Variants in SHKBP1 observed in about 807,000 individuals in gnomAD.
SHKBP1 encodes the protein SH3KBP1 binding protein 1.
In SHKBP1, 71 loss-of-function variants were observed where a neutral mutation model predicts 83.9. The observed-to-expected ratio is 0.85, with a 90% CI of 0.70 to 1.03. The LOEUF is 1.03. Ranked by LOEUF, SHKBP1 falls within the 50% of genes least tolerant of loss-of-function variation. SHKBP1 has a pLI of 0.00. For synonymous variants in SHKBP1, 371 were observed against 398.0 expected, an observed-to-expected ratio of 0.93 and a Z score of 0.81; for missense variants, 824 against 982.4, an observed-to-expected ratio of 0.84 and a Z score of 2.16.
chr19:40,577,476 G>C (rs1386116015), intron 3 of SHKBP1, 35 bp downstream of exon 3: 1 of 1,608,550 alleles, frequency 6.2e-7, no homozygotes, highest in African/African-American at 1.3e-5. Flanking sequence ...GGATGGGGGG[G>C]AGGGGTTGGT....
chr19:40,583,650 C>T lies in SHKBP1; in HGVS notation c.1098C>T (p.Ser366=), dbSNP rs114170090. Residue 366 remains serine, a synonymous_variant, in exon 12 of 18, where the codon AGC becomes AGT. Transcript: ENST00000291842. Reference sequence around the variant, plus strand: ...TGAAAGACAACGACCTCCTTGTCAGCGAGCTCTATCGGGACCCAGCGGAGG... The same window carrying T: ...TGAAAGACAACGACCTCCTTGTCAGTGAGCTCTATCGGGACCCAGCGGAGG... ...LRMKDNDLLV[S]ELYRDPAEDG... is the part of the protein sequence containing the mutation. 4.8e-4 allele frequency: 776 copies of T among 1,613,918 alleles called. 6 individuals are homozygous for T. In the African/African-American group the frequency reaches 8.7e-3, roughly 18 times the overall value.
rs1017678512 is a variant in SHKBP1 at position 40,578,617 on chromosome 19, G to T, written c.400+75G>T. ...CATTTCCCATAAGGCTGCAGCTCTC[G>T]GGTGCCTGTGCTGTGCGTCCTGAGA... On this transcript the variant is annotated intron_variant, in intron 6 of 17. Transcript: ENST00000291842. The T allele has an allele frequency of 1.4e-5, 19 of 1,365,524 alleles. No homozygotes were observed. The East Asian group carries it at 4.1e-4, about 30-fold the overall frequency. The allele number at this position is 1,365,524 out of a possible 1,614,324, so 84.6% of individuals were successfully genotyped here.
intron 2 of SHKBP1, 34 bp from the exon 3 acceptor site, chr19:40,577,362 C>T: frequency 6.2e-7 from 1 of 1,614,062 alleles, no homozygotes; most frequent in Non-Finnish European, 8.5e-7. Context: ...ACTCCCCCGG[C>T]CCGTGACGCC....
intron 15 of SHKBP1, among the ~76,000 whole-genome samples, 194 bp downstream of exon 15, chr19:40,589,372 G>T (rs1053971146): frequency 6.7e-6 from 1 of 149,540 alleles, no homozygotes; most frequent in African/African-American, 2.5e-5. Context: ...GGTGTGACAG[G>T]TGTTGGTGGG....
chr19:40,578,307 T>G lies in SHKBP1; in HGVS notation c.319+95T>G, dbSNP rs971455351. 30 of 1,489,826 alleles carry G rather than the reference T, an allele frequency of 2.0e-5. No homozygotes were observed. The African/African-American group carries it at 4.1e-4, about 21-fold the overall frequency. The allele number at this position is 1,489,826 out of a possible 1,614,324, so 92.3% of individuals were successfully genotyped here. ...TTCCCCTTCTCTCCTGAAAGAGGGCTGGGGTAGAGGTGGGAGGACTGGTTA... is the reference window on the plus strand; with the variant it reads ...TTCCCCTTCTCTCCTGAAAGAGGGCGGGGGTAGAGGTGGGAGGACTGGTTA... On this transcript the variant is annotated intron_variant, in intron 5 of 17. Transcript: ENST00000291842.
Position 40,578,679 on chromosome 19 carries a change from G to T in SHKBP1, c.400+137G>T, listed in dbSNP as rs1599837381. Reference sequence around the variant, plus strand: ...GTGTAGTTCCCTATCAGATGCTTGGGCTGATGCTTGGAAAGGAAGTTGGAC... The same window carrying T: ...GTGTAGTTCCCTATCAGATGCTTGGTCTGATGCTTGGAAAGGAAGTTGGAC... On this transcript the variant is annotated intron_variant, in intron 6 of 17. Transcript: ENST00000291842. The T allele has an allele frequency of 4.0e-6, 3 of 751,588 alleles. No individual in the cohort carries two copies. In the South Asian group the frequency reaches 4.8e-5, roughly 12 times the overall value. The allele number at this position is 751,588 out of a possible 1,614,324, so 46.6% of individuals were successfully genotyped here. A position where few individuals can be genotyped will look rare whatever the true frequency, so the allele number is the denominator to read the frequency against.
At chr19:40,586,574 C>T in intron 12 of SHKBP1, 200 bp from the exon 13 acceptor site, 1 of 417,160 alleles carries the variant, frequency 2.4e-6, no homozygotes, top group East Asian at 3.6e-5. Context: ...AGCACGTTGG[C>T]CAGGCTGGTC....
At chr19:40,582,638 G>C in intron 10 of SHKBP1, 172 bp downstream of exon 10, 1 of 593,752 alleles carries the variant, frequency 1.7e-6, no homozygotes, top group South Asian at 2.1e-5. Context: ...AGGAGCACCA[G>C]GGAAGCCTTC....
In SHKBP1 at chr19:40,582,501, C is replaced by T. The variant is rs774393929; in HGVS notation, c.960+35C>T. On this transcript the variant is annotated intron_variant, in intron 10 of 17. Coordinates refer to ENST00000291842, the MANE Select transcript of SHKBP1 (RefSeq NM_138392.4). ...CTGGCCAGCCTGGCTGCCCCCTTCC[C>T]AGTTTTCCAGACTGTACAGACCCAG... 3 of 1,582,268 alleles carry T rather than the reference C, an allele frequency of 1.9e-6. No homozygotes were observed. The Admixed American group carries it at 5.0e-5, about 26-fold the overall frequency.
At chr19:40,587,695 G>A (rs941554304) in intron 13 of SHKBP1, among the ~76,000 whole-genome samples, 2 of 152,220 alleles carry the variant, frequency 1.3e-5, no homozygotes, top group South Asian at 2.1e-4. Context: ...GAGGCTAGGA[G>A]TGTGAGACCA....
chr19:40,586,613 C>A (rs894445764), intron 12 of SHKBP1, 161 bp from the exon 13 acceptor site: 6 of 617,268 alleles, frequency 9.7e-6, no homozygotes, highest in African/African-American at 1.9e-5. Flanking sequence ...GCGATCCACC[C>A]GCCTCAGCTT....
At chr19:40,588,970 C>G (rs931182260) in intron 14 of SHKBP1, 112 bp from the exon 15 acceptor site, 60 of 1,321,606 alleles carry the variant, frequency 4.5e-5, no homozygotes, top group Non-Finnish European at 6.0e-5. Context: ...CCAACTCTAA[C>G]AACCTGGGGA....
chr19:40,590,527 A>G lies in SHKBP1; in HGVS notation c.1768+105A>G. On this transcript the variant is annotated intron_variant, in intron 16 of 17. Transcript: ENST00000291842. This position sits in a 1 kb window ranked among gnomAD's most constrained non-coding sequence, Gnocchi z 4.6. The stretch of plus-strand genomic sequence containing the variant: ...CTCTCTCCCAGGCCCTTGCCCTCTG[A>G]CCCCTTTTCCTTTGACCCCCTCTCT... The G allele has an allele frequency of 7.2e-7, 1 of 1,387,188 alleles. No individual in the cohort carries two copies. The highest frequency in any genetic ancestry group is 2.2e-5 in the Admixed American group (1 of 44,690). The allele number at this position is 1,387,188 out of a possible 1,614,324, so 85.9% of individuals were successfully genotyped here.
At chr19:40,582,508 C>A in intron 10 of SHKBP1, 42 bp downstream of exon 10, 1 of 1,560,040 alleles carries the variant, frequency 6.4e-7, no homozygotes, top group South Asian at 1.1e-5. Flanking sequence ...TCCCAGTTTT[C>A]CAGACTGTAC....
At chr19:40,581,055 G>A (rs2081266101) in intron 9 of SHKBP1, 119 bp downstream of exon 9, 3 of 1,012,420 alleles carry the variant, frequency 3.0e-6, no homozygotes, top group Non-Finnish European at 2.8e-6. Context: ...AGATCTGTTT[G>A]TGTCATTAGA....
chr19:40,583,418 C>T lies in SHKBP1; in HGVS notation c.981C>T (p.Ile327=). The T allele has an allele frequency of 1.3e-6, 2 of 1,594,180 alleles. No homozygotes were observed. The highest frequency in any genetic ancestry group is 1.7e-6 in the Non-Finnish European group (2 of 1,170,306). ...KHWQVQEVQP[I]TSYDAAGSFL... The stretch of plus-strand genomic sequence containing the variant: ...CCCAGGTCCAGGAGGTGCAGCCCAT[C>T]ACCAGTTATGACGCGGCAGGCTCCT... The change falls in exon 11 of 18, where the codon ATC becomes ATT. Residue 327 remains isoleucine, a synonymous_variant. Coordinates refer to ENST00000291842, the MANE Select transcript of SHKBP1 (RefSeq NM_138392.4).
At chr19:40,588,104 G>A (rs540865254) in intron 13 of SHKBP1, among the ~76,000 whole-genome samples, 3 of 152,318 alleles carry the variant, frequency 2.0e-5, no homozygotes, top group East Asian at 3.9e-4. Context: ...CGAGGGAACA[G>A]GCATTGCAAA....
rs1461451131 is a variant in SHKBP1 at position 40,583,690 on chromosome 19, C to T, written c.1138C>T (p.Leu380Phe). The change falls in exon 12 of 18, where the codon CTC (leucine) becomes TTC (phenylalanine). Residue 380 changes from leucine (L) to phenylalanine (F), a missense_variant. By Grantham distance (22) the Leu-to-Phe change is conservative. Around this residue, in one of 3 missense-constraint regions of SHKBP1, gnomAD observed 182 missense variants for 273.1 expected, o/e 0.67. Transcript: ENST00000291842. ...CCCAGCGGAGGATGGGGTCACCGCC[C>T]TCAGTGTCTACCTCACCCCCAAGAC... ...RDPAEDGVTA[L>F]SVYLTPKTSD... The T allele has an allele frequency of 6.2e-7, 1 of 1,614,020 alleles. No individual in the cohort carries two copies. Among genetic ancestry groups the T allele is most frequent in the Admixed American group, 1.7e-5 (1 of 60,008 alleles).
chr19:40,577,948 T>TCCACACAC, intron 4 of SHKBP1: 1 of 566,454 alleles, frequency 1.8e-6, no homozygotes, highest in Non-Finnish European at 3.1e-6. Context: ...GATTTCTCCC[T>TCCACACAC]ACACACACAC....
Sources: allele counts gnomAD v4.1 joint callset (sites outside exome capture counted in the v4.1 genomes callset), GRCh38; gene constraint gnomAD v4.1.1; regional missense constraint gnomAD v4.1.1; non-coding constraint Gnocchi (gnomAD v3.1); transcripts MANE v1.5; gene names NCBI Gene and HGNC (gene_info 2026-07-23, HGNC 2026-07-21).